The following SAMD4A variants were observed in gnomAD, a reference collection of about 807,000 sequenced individuals.
SAMD4A encodes protein Smaug homolog 1.
Under a neutral mutation model 81.3 loss-of-function variants are expected in SAMD4A, and 33 were observed. The ratio of observed to expected loss-of-function variants is 0.41; its 90% CI spans 0.31 to 0.54. SAMD4A has a LOEUF of 0.54. Ranked by LOEUF, SAMD4A falls within the 20% of genes least tolerant of loss-of-function variation. SAMD4A has a pLI of 0.37. For missense variants in SAMD4A, 854 were observed against 951.1 expected (o/e 0.90, Z 1.34); for synonymous variants, 389 against 382.1 (o/e 1.02, Z -0.21).
Position 54,788,936 on chromosome 14 carries a change from A to G in SAMD4A, c.2149A>G (p.Thr717Ala), listed in dbSNP as rs1594948678. Reference protein sequence around the residue: ...ALGDGVDRTSTI With the variant: ...ALGDGVDRTSAI ...CCCAGACGGGGTTGACCGGACCTCC[A>G]CCATCTAGAAGCTGAAGACGAGAGT... Residue 717 changes from threonine (T) to alanine (A), a missense_variant, in exon 13 of 13, where the codon ACC (threonine) becomes GCC (alanine). Thr to Ala is a moderately conservative substitution (Grantham distance 58). Around this residue, in one of 3 missense-constraint regions of SAMD4A, gnomAD observed 428 missense variants for 471.2 expected, o/e 0.91. Coordinates refer to ENST00000554335, the MANE Select transcript of SAMD4A (RefSeq NM_015589.6). 7 of 1,613,984 alleles carry G rather than the reference A, an allele frequency of 4.3e-6. No homozygotes were observed.
chr14:54,595,849 C>G (rs1457895967), intron 2 of SAMD4A, among the ~76,000 whole-genome samples: 1 of 152,146 alleles, frequency 6.6e-6, no homozygotes, highest in Non-Finnish European at 1.5e-5. Flanking sequence ...TGGGATGATA[C>G]TAGTTTTTTG....
At chr14:54,729,331 T>TA (rs1235504991) in intron 3 of SAMD4A, among the ~76,000 whole-genome samples, 3 of 152,190 alleles carry the variant, frequency 2.0e-5, no homozygotes, top group Admixed American at 1.3e-4. Flanking sequence ...AAACAGCACT[T>TA]ACAATTTGAG....
At chr14:54,583,086 G>A (rs2033516791) in intron 2 of SAMD4A, among the ~76,000 whole-genome samples, 1 of 152,126 alleles carries the variant, frequency 6.6e-6, no homozygotes, top group African/African-American at 2.4e-5. Flanking sequence ...TGGGGCTACA[G>A]GCGTGTGCTA....
At chr14:54,578,193 A>AC (rs1303717518) in intron 2 of SAMD4A, among the ~76,000 whole-genome samples, 3 of 152,008 alleles carry the variant, frequency 2.0e-5, no homozygotes, top group African/African-American at 7.3e-5. Context: ...CTTCGGAACC[A>AC]CCCCACATGC....
intron 2 of SAMD4A, among the ~76,000 whole-genome samples, chr14:54,667,289 C>A (rs1051970008): frequency 3.3e-5 from 5 of 152,164 alleles, no homozygotes; most frequent in Non-Finnish European, 7.3e-5. Context: ...GCTCAATATC[C>A]TTATCTTGAA....
At chr14:54,678,813 G>C (rs1324397974) in intron 2 of SAMD4A, among the ~76,000 whole-genome samples, 1 of 152,178 alleles carries the variant, frequency 6.6e-6, no homozygotes, top group African/African-American at 2.4e-5. Context: ...CTCCCAAAGT[G>C]CTGGGATTAC....
At chr14:54,614,269 ATTG>A (rs1566548219) in intron 2 of SAMD4A, among the ~76,000 whole-genome samples, 1 of 152,188 alleles carries the variant, frequency 6.6e-6, no homozygotes, top group African/African-American at 2.4e-5. Context: ...TAATGGGGTT[ATTG>A]TTATTTTAAA....
chr14:54,660,947 C>T lies in SAMD4A; in HGVS notation c.197-41115C>T, dbSNP rs80126011. 1.7e-3 allele frequency among the ~76,000 whole-genome samples: 254 copies of T among 152,336 alleles called. 5 individuals carry two copies. In the East Asian group the frequency reaches 0.027, roughly 16 times the overall value. On this transcript the variant is annotated intron_variant, in intron 2 of 12. Coordinates refer to ENST00000554335, the MANE Select transcript of SAMD4A (RefSeq NM_015589.6). Reference sequence around the variant, plus strand: ...GGAAGCCAGTTAATCATACACTATTCAGGCATCTTTTTAGTTCTCTGGAGG... The same window carrying T: ...GGAAGCCAGTTAATCATACACTATTTAGGCATCTTTTTAGTTCTCTGGAGG...
intron 2 of SAMD4A, among the ~76,000 whole-genome samples, chr14:54,649,598 T>C (rs2035360062): frequency 6.6e-6 from 1 of 152,186 alleles, no homozygotes; most frequent in Non-Finnish European, 1.5e-5. Context: ...GACTTTGTCG[T>C]GTCGCAAGTC....
intron 12 of SAMD4A, 143 bp downstream of exon 12, chr14:54,784,763 G>A (rs1402014762): frequency 1.3e-6 from 1 of 760,340 alleles, no homozygotes; most frequent in African/African-American, 1.7e-5. Context: ...GGGAGAAAGA[G>A]TGGCCTTAGG....
intron 8 of SAMD4A, 131 bp downstream of exon 8, chr14:54,764,671 G>C: frequency 1.6e-6 from 1 of 626,388 alleles, no homozygotes; most frequent in Non-Finnish European, 2.8e-6. Flanking sequence ...TTAATAATAG[G>C]TTGGGCAGAA....
chr14:54,635,723 C>G (rs2035019850), intron 2 of SAMD4A, among the ~76,000 whole-genome samples: 1 of 149,016 alleles, frequency 6.7e-6, no homozygotes, highest in Non-Finnish European at 1.5e-5. Flanking sequence ...ACTCCAGCGA[C>G]AGAGCAAGAC....
chr14:54,760,568 C>A, intron 7 of SAMD4A, 74 bp downstream of exon 7: 2 of 1,357,922 alleles, frequency 1.5e-6, no homozygotes, highest in Non-Finnish European at 1.9e-6. Context: ...TGGGGGCTTC[C>A]CCTGGGTGCT....
chr14:54,770,231 G>C lies in SAMD4A; in HGVS notation c.1715+9G>C. 6.3e-7 allele frequency: 1 copy of C among 1,579,792 alleles called. No homozygotes were observed. Among genetic ancestry groups the C allele is most frequent in the Non-Finnish European group, 8.7e-7 (1 of 1,150,258 alleles). Reference sequence around the variant, plus strand: ...TATCGACAGCAAAGAAAGTATGTTGGGATTTCATTCTTTGTAATGCGTAGT... The same window carrying C: ...TATCGACAGCAAAGAAAGTATGTTGCGATTTCATTCTTTGTAATGCGTAGT... On this transcript the variant is annotated intron_variant, in intron 9 of 12. Transcript: ENST00000554335.
At chr14:54,608,361 A>G (rs1235802340) in intron 2 of SAMD4A, among the ~76,000 whole-genome samples, 1 of 152,238 alleles carries the variant, frequency 6.6e-6, no homozygotes, top group Non-Finnish European at 1.5e-5. Flanking sequence ...GTCTCAGTCC[A>G]GGTCCTCACC....
intron 2 of SAMD4A, among the ~76,000 whole-genome samples, chr14:54,691,650 G>C (rs1350595111): frequency 1.3e-5 from 2 of 151,502 alleles, no homozygotes; most frequent in African/African-American, 4.9e-5. Flanking sequence ...AGTAACAGGT[G>C]AAAATCAGCA....
chr14:54,770,626 G>A (rs1001737208), intron 9 of SAMD4A, among the ~76,000 whole-genome samples: 7 of 152,174 alleles, frequency 4.6e-5, no homozygotes, highest in South Asian at 4.1e-4. Context: ...TTCCCCCTTC[G>A]TGCTGTAGAC....
At chr14:54,740,460 T>C (rs1183007197) in intron 4 of SAMD4A, among the ~76,000 whole-genome samples, 1 of 152,242 alleles carries the variant, frequency 6.6e-6, no homozygotes, top group African/African-American at 2.4e-5. Flanking sequence ...CTTGCTCTCA[T>C]CGTGCACCTT....
intron 2 of SAMD4A, among the ~76,000 whole-genome samples, chr14:54,660,937 A>G (rs907681082): frequency 6.6e-6 from 1 of 152,220 alleles, no homozygotes; most frequent in Non-Finnish European, 1.5e-5. Flanking sequence ...CCAGTTAATC[A>G]TACACTATTC....
Sources: allele counts gnomAD v4.1 joint callset (sites outside exome capture counted in the v4.1 genomes callset), GRCh38; gene constraint gnomAD v4.1.1; regional missense constraint gnomAD v4.1.1; transcripts MANE v1.5; gene names NCBI Gene and HGNC (gene_info 2026-07-23, HGNC 2026-07-21).